The following TENT5D variants were observed in gnomAD, a reference collection of about 807,000 sequenced individuals.
TENT5D encodes the protein terminal nucleotidyltransferase 5D, also known as cancer/testis antigen 112.
For synonymous variants in TENT5D, 103 were observed against 100.6 expected, an observed-to-expected ratio of 1.02 and a Z score of -0.15; for missense variants, 191 against 287.0, an observed-to-expected ratio of 0.67 and a Z score of 2.42.
At chrX:80,367,234 A>G (rs1233287095) in intron 3 of TENT5D, among the ~76,000 whole-genome samples, 1 of 111,658 alleles carries the variant, frequency 9.0e-6, no homozygotes, top group African/African-American at 3.2e-5. Context: ...GTTCAATTAC[A>G]ATTAGAATTC....
At chrX:80,423,856 G>A (rs891798079) in intron 1 of TENT5D, among the ~76,000 whole-genome samples, 2 of 111,288 alleles carry the variant, frequency 1.8e-5, no homozygotes, top group African/African-American at 6.5e-5. Context: ...TACCGTGGCT[G>A]CAGGCATGTC....
At chrX:80,388,927 G>A (rs1931074949) in intron 3 of TENT5D, among the ~76,000 whole-genome samples, 1 of 111,559 alleles carries the variant, frequency 9.0e-6, no homozygotes, top group Middle Eastern at 4.2e-3. Flanking sequence ...CCACTAGGAT[G>A]GACAATTTCC....
chrX:80,369,438 C>T (rs1349377766), intron 3 of TENT5D, among the ~76,000 whole-genome samples: 1 of 111,438 alleles, frequency 9.0e-6, no homozygotes, highest in Non-Finnish European at 1.9e-5. Context: ...TTGAAAAATA[C>T]AACAGTGAAA....
At chrX:80,350,679 G>T (rs190463815) in intron 3 of TENT5D, among the ~76,000 whole-genome samples, 120 of 111,478 alleles carry the variant, frequency 1.1e-3, no homozygotes, top group African/African-American at 3.6e-3. Flanking sequence ...TTGTGAATTC[G>T]ATCCTGTCAT....
At chrX:80,351,642 A>G (rs954535647) in intron 3 of TENT5D, among the ~76,000 whole-genome samples, 2 of 110,176 alleles carry the variant, frequency 1.8e-5, no homozygotes, top group Non-Finnish European at 3.8e-5. Context: ...TCTGAAGCCT[A>G]CTTCTGTCAA....
intron 3 of TENT5D, among the ~76,000 whole-genome samples, chrX:80,398,195 G>A (rs981162004): frequency 6.3e-5 from 7 of 111,818 alleles, no homozygotes; most frequent in African/African-American, 2.3e-4. Flanking sequence ...TCAAGTATCT[G>A]TTGGCCATTT....
upstream of TENT5D, among the ~76,000 whole-genome samples, chrX:80,417,472 A>C (rs1225049333): frequency 1.0e-5 from 1 of 100,019 alleles, no homozygotes; most frequent in Admixed American, 1.1e-4. Flanking sequence ...TTTTAGCCCT[A>C]TCTTCAGGAC....
intron 3 of TENT5D, among the ~76,000 whole-genome samples, chrX:80,355,289 G>T (rs982132682): frequency 1.7e-4 from 19 of 111,763 alleles, no homozygotes; most frequent in African/African-American, 6.2e-4. Flanking sequence ...GGGCAGCTGA[G>T]ACTGTTTTGC....
chrX:80,339,853 G>A lies in TENT5D; in HGVS notation c.-206-2647G>A, dbSNP rs191667103. ...TTGGTGATTATAATAGATAGTTATCGGAAATATATATATATATATAGAGAG... is the reference window on the plus strand; with the variant it reads ...TTGGTGATTATAATAGATAGTTATCAGAAATATATATATATATATAGAGAG... On this transcript the variant is annotated intron_variant, in intron 2 of 4. Transcript: ENST00000538312. 1.4e-4 allele frequency among the ~76,000 whole-genome samples: 14 copies of A among 100,380 alleles called. No homozygotes were observed. The East Asian group carries it at 3.1e-3, about 22-fold the overall frequency. 87.2% of individuals were successfully genotyped at this position (100,380 alleles called of 115,157 possible).
chrX:80,409,171 C>A (rs1228304540), intron 3 of TENT5D, among the ~76,000 whole-genome samples: 1 of 110,438 alleles, frequency 9.1e-6, no homozygotes, highest in Non-Finnish European at 1.9e-5. Flanking sequence ...TGGAAGCATT[C>A]CCTTTGAAAA....
At chrX:80,389,768 A>C (rs748017743) in intron 3 of TENT5D, among the ~76,000 whole-genome samples, 8 of 112,308 alleles carry the variant, frequency 7.1e-5, no homozygotes, top group African/African-American at 2.3e-4. Context: ...GAAACGTTTT[A>C]GTGGAGTGAT....
chrX:80,427,783 G>A (rs1932013123), intron 1 of TENT5D, among the ~76,000 whole-genome samples: 1 of 111,890 alleles, frequency 8.9e-6, no homozygotes, highest in Admixed American at 9.5e-5. Flanking sequence ...AATTTCAGGG[G>A]TTTAATGAGG....
intron 3 of TENT5D, among the ~76,000 whole-genome samples, chrX:80,364,408 A>G (rs1023609789): frequency 1.8e-5 from 2 of 111,514 alleles, no homozygotes; most frequent in Non-Finnish European, 3.8e-5. Context: ...CATTTGATCC[A>G]TTATTAGTTC....
intron 2 of TENT5D, among the ~76,000 whole-genome samples, chrX:80,338,578 G>C (rs1201252343): frequency 3.6e-5 from 4 of 112,370 alleles, no homozygotes; most frequent in Non-Finnish European, 3.8e-5. Context: ...CTTTGTTTAA[G>C]TTAAAAACAT....
At chrX:80,389,805 A>G (rs1931091647) in intron 3 of TENT5D, among the ~76,000 whole-genome samples, 1 of 112,351 alleles carries the variant, frequency 8.9e-6, no homozygotes, top group Non-Finnish European at 1.9e-5. Flanking sequence ...GAGACAAGAC[A>G]TATAGCTTAC....
chrX:80,415,213 G>T (rs985490481), intron 3 of TENT5D, among the ~76,000 whole-genome samples: 3 of 111,595 alleles, frequency 2.7e-5, no homozygotes, highest in African/African-American at 9.8e-5. Flanking sequence ...GGGTTTTCTA[G>T]GTATAGAATA....
At chrX:80,426,008 C>T (rs1165610579) in intron 1 of TENT5D, among the ~76,000 whole-genome samples, 2 of 110,594 alleles carry the variant, frequency 1.8e-5, no homozygotes, top group Non-Finnish European at 3.8e-5. Flanking sequence ...GCCTGTGCGA[C>T]AGAGTGAGAC....
intron 3 of TENT5D, among the ~76,000 whole-genome samples, chrX:80,377,709 T>C (rs917286868): frequency 1.8e-5 from 2 of 112,073 alleles, no homozygotes; most frequent in African/African-American, 6.5e-5. Context: ...TGTGCATGTG[T>C]CTTTATAGTA....
intron 3 of TENT5D, among the ~76,000 whole-genome samples, chrX:80,397,853 G>C (rs1036073845): frequency 2.7e-5 from 3 of 111,940 alleles, no homozygotes; most frequent in African/African-American, 3.2e-5. Flanking sequence ...CAGGCAGGGA[G>C]GTTGCAGTGA....
Sources: gnomAD v4.1 joint callset for allele counts (sites outside exome capture counted in the v4.1 genomes callset) on GRCh38, gnomAD v4.1.1 for gene constraint, MANE v1.5 for transcripts, NCBI Gene and HGNC (gene_info 2026-07-23, HGNC 2026-07-21) for gene names.